Variants in WWOX observed in about 807,000 individuals in gnomAD.
WWOX encodes the protein WW domain containing oxidoreductase.
A neutral mutation model predicts 46.2 loss-of-function variants in WWOX; 69 were observed. The observed-to-expected ratio is 1.49, with a 90% CI of 1.23 to 1.82. The LOEUF is 1.82. WWOX is among the 40% of genes most tolerant of loss of function. The pLI, the probability that WWOX is intolerant of heterozygous loss-of-function variation, is 0.00. For synonymous variants in WWOX, 359 were observed against 202.6 expected (o/e 1.77, Z -6.56); for missense variants, 919 against 542.6 (o/e 1.69, Z -6.89).
chr16:78,801,019 C>G lies in WWOX; in HGVS notation c.1056+368267C>G, dbSNP rs527867389. On this transcript the variant is annotated intron_variant, in intron 8 of 8. Transcript: ENST00000566780. The stretch of plus-strand genomic sequence containing the variant: ...AATAGTTTATTTATTTCATGCTCCA[C>G]TTTTCTGGGCAGTTTTGTTGTCATT... Among the ~76,000 whole-genome samples, 3 of 151,684 alleles carry G rather than the reference C, an allele frequency of 2.0e-5. No individual in the cohort carries two copies. The South Asian group carries it at 6.3e-4, about 32-fold the overall frequency.
At chr16:78,762,378 C>A (rs902183972) in intron 8 of WWOX, among the ~76,000 whole-genome samples, 3 of 152,200 alleles carry the variant, frequency 2.0e-5, no homozygotes, top group African/African-American at 4.8e-5. Flanking sequence ...TGAATTTTAA[C>A]CAGAGTCTCT....
intron 8 of WWOX, among the ~76,000 whole-genome samples, chr16:79,089,114 C>A (rs545506424): frequency 6.6e-6 from 1 of 152,224 alleles, no homozygotes; most frequent in South Asian, 2.1e-4. Flanking sequence ...GCGAATGTGA[C>A]TTTTCATCAG....
chr16:78,539,062 C>A (rs1258988702), intron 8 of WWOX, among the ~76,000 whole-genome samples: 1 of 152,220 alleles, frequency 6.6e-6, no homozygotes, highest in Non-Finnish European at 1.5e-5. Context: ...GCAGCAGTCA[C>A]AATTTTGTGT....
At chr16:78,852,804 G>A (rs970063741) in intron 8 of WWOX, among the ~76,000 whole-genome samples, 1 of 152,168 alleles carries the variant, frequency 6.6e-6, no homozygotes, top group African/African-American at 2.4e-5. Flanking sequence ...GGTTCCACCT[G>A]TTTCTTGAGG....
intron 8 of WWOX, chr16:78,503,948 T>C (rs1448357059): frequency 6.6e-6 from 1 of 152,238 alleles, no homozygotes; most frequent in Admixed American, 6.5e-5. Context: ...ATTTTTATGC[T>C]TTCTCTGAAC....
chr16:78,753,829 T>TAC (rs2049558325), intron 8 of WWOX, among the ~76,000 whole-genome samples: 1 of 71,848 alleles, frequency 1.4e-5, no homozygotes, highest in Non-Finnish European at 2.6e-5. Context: ...AAAAAAAATA[T>TAC]ATATATATAT....
At chr16:78,821,563 C>T (rs1472282697) in intron 8 of WWOX, among the ~76,000 whole-genome samples, 2 of 152,178 alleles carry the variant, frequency 1.3e-5, no homozygotes, top group East Asian at 1.9e-4. Flanking sequence ...AACAGTGTCC[C>T]AGGGTCAAGC....
chr16:78,462,866 C>G (rs577308208), intron 8 of WWOX, among the ~76,000 whole-genome samples: 7 of 152,196 alleles, frequency 4.6e-5, no homozygotes, highest in Non-Finnish European at 8.8e-5. Flanking sequence ...TTGTTGCTTT[C>G]CTGGGTCTTG....
At chr16:78,816,416 T>C (rs1025271006) in intron 8 of WWOX, among the ~76,000 whole-genome samples, 1 of 150,958 alleles carries the variant, frequency 6.6e-6, no homozygotes, top group Non-Finnish European at 1.5e-5. Flanking sequence ...GTGTGTTTAA[T>C]GTGAAAATAG....
At chr16:78,617,118 T>TCAC (rs2151638272) in intron 8 of WWOX, among the ~76,000 whole-genome samples, 1 of 152,178 alleles carries the variant, frequency 6.6e-6, no homozygotes, top group Non-Finnish European at 1.5e-5. Context: ...GTTTAGTCTT[T>TCAC]AAAAGGTGAT....
At chr16:78,947,649 G>A (rs2045975750) in intron 8 of WWOX, among the ~76,000 whole-genome samples, 3 of 152,158 alleles carry the variant, frequency 2.0e-5, no homozygotes, top group Non-Finnish European at 2.9e-5. Flanking sequence ...GTAATAAGCC[G>A]GAGGATAATC....
At chr16:79,117,201 C>G (rs925095096) in intron 8 of WWOX, among the ~76,000 whole-genome samples, 11 of 152,026 alleles carry the variant, frequency 7.2e-5, no homozygotes, top group African/African-American at 2.7e-4. Flanking sequence ...AGTAGAGACA[C>G]AATTTCACCG....
chr16:78,880,400 T>G (rs751666866), intron 8 of WWOX, among the ~76,000 whole-genome samples: 4 of 152,226 alleles, frequency 2.6e-5, no homozygotes, highest in Non-Finnish European at 1.5e-5. Flanking sequence ...CCGGGAATTA[T>G]GCGATTACAA....
chr16:78,303,006 C>T lies in WWOX; in HGVS notation c.517-83854C>T, dbSNP rs895888624. On this transcript the variant is annotated intron_variant, in intron 5 of 8. Coordinates refer to ENST00000566780, the MANE Select transcript of WWOX (RefSeq NM_016373.4). ...TTCTCAGAGGACCTGGGAGAACTCT[C>T]CATATGGATTTTCATTTGGGAAGAT... Among the ~76,000 whole-genome samples, 5 of 152,126 alleles carry T rather than the reference C, an allele frequency of 3.3e-5. No individual in the cohort carries two copies. The East Asian group carries it at 7.7e-4, about 23-fold the overall frequency.
intron 8 of WWOX, among the ~76,000 whole-genome samples, chr16:79,011,060 T>G (rs1434774398): frequency 6.6e-6 from 1 of 151,940 alleles, no homozygotes; most frequent in Non-Finnish European, 1.5e-5. Context: ...AAATATATGA[T>G]AAGTATACCT....
intron 8 of WWOX, among the ~76,000 whole-genome samples, chr16:78,858,328 A>ATG (rs751763664): frequency 4.8e-5 from 4 of 82,692 alleles, no homozygotes; most frequent in South Asian, 4.0e-4. Context: ...TCATATATAT[A>ATG]TATGTGTGTG....
In WWOX at chr16:78,969,416, C is replaced by T. The variant is rs139948697; in HGVS notation, c.1057-242192C>T. On this transcript the variant is annotated intron_variant, in intron 8 of 8. Transcript: ENST00000566780. ...TCCCGAGTAGCTGGGATTACAGGGG[C>T]ACATGCCACCATGCCCAGCTAATTT... 3.3e-3 allele frequency among the ~76,000 whole-genome samples: 498 copies of T among 152,070 alleles called. 6 individuals are homozygous for T. The highest frequency in any genetic ancestry group is 6.8e-3 in the Middle Eastern group (2 of 294).
chr16:79,199,341 G>C (rs1267689132), intron 8 of WWOX, among the ~76,000 whole-genome samples: 1 of 152,204 alleles, frequency 6.6e-6, no homozygotes, highest in Non-Finnish European at 1.5e-5. Context: ...GAGATCACAG[G>C]TGTGAGCCAT....
At chr16:79,106,770 C>T (rs1349732267) in intron 8 of WWOX, 2 of 148,940 alleles carry the variant, frequency 1.3e-5, no homozygotes, top group East Asian at 3.9e-4. Flanking sequence ...GGTTGTGTGC[C>T]ACCATACCCA....
Sources: allele counts gnomAD v4.1 joint callset (sites outside exome capture counted in the v4.1 genomes callset), GRCh38; gene constraint gnomAD v4.1.1; transcripts MANE v1.5; gene names NCBI Gene and HGNC (gene_info 2026-07-23, HGNC 2026-07-21).